The following TTBK2 variants were observed in gnomAD, a reference collection of about 807,000 sequenced individuals.
TTBK2 encodes the protein tau-tubulin kinase 2.
In TTBK2, 28 loss-of-function variants were observed where a neutral mutation model predicts 110.8. That is an observed-to-expected ratio of 0.25 (90% CI 0.19 to 0.35). The LOEUF (loss-of-function observed/expected upper bound fraction) is 0.35. TTBK2 is among the 10% of genes least tolerant of loss of function. The pLI is 1.00. For missense variants in TTBK2, 1,369 were observed against 1,500.3 expected (o/e 0.91, Z 1.45); for synonymous variants, 532 against 527.3 (o/e 1.01, Z -0.12).
chr15:42,761,394 A>C (rs1363321649), intron 13 of TTBK2, among the ~76,000 whole-genome samples: 1 of 152,206 alleles, frequency 6.6e-6, no homozygotes, highest in African/African-American at 2.4e-5. Flanking sequence ...GATAACCTAC[A>C]AAATGGGAGA....
intron 4 of TTBK2, 85 bp downstream of exon 4, chr15:42,840,275 T>C: frequency 1.7e-6 from 2 of 1,147,916 alleles, no homozygotes; most frequent in South Asian, 2.5e-5. Flanking sequence ...ACTAAGATTG[T>C]TGTTACTTTT....
At chr15:42,850,909 G>T (rs1417711245) in intron 3 of TTBK2, among the ~76,000 whole-genome samples, 4 of 152,028 alleles carry the variant, frequency 2.6e-5, no homozygotes, top group South Asian at 4.2e-4. Context: ...CAGTTTGCAG[G>T]TGAGAGGCTG....
intron 4 of TTBK2, among the ~76,000 whole-genome samples, chr15:42,833,247 TAAAAAAA>T (rs35997543): frequency 1.3e-5 from 1 of 74,872 alleles, no homozygotes; most frequent in Non-Finnish European, 2.7e-5. Context: ...CCAAATTTTG[TAAAAAAA>T]AAAAAAAAAA....
At chr15:42,834,013 A>AAAAACAAAAC (rs577793202) in intron 4 of TTBK2, among the ~76,000 whole-genome samples, 1 of 151,766 alleles carries the variant, frequency 6.6e-6, no homozygotes, top group African/African-American at 2.4e-5. Flanking sequence ...TCTGTCTCAA[A>AAAAACAAAAC]AAAACAAAAC....
chr15:42,826,942 C>T (rs1454561938), intron 6 of TTBK2, among the ~76,000 whole-genome samples: 3 of 152,064 alleles, frequency 2.0e-5, no homozygotes, highest in Admixed American at 2.0e-4. Context: ...AGCTGAAGGA[C>T]CTGACGTCAG....
intron 10 of TTBK2, among the ~76,000 whole-genome samples, chr15:42,791,172 C>T (rs568738348): frequency 7.8e-4 from 118 of 152,246 alleles, no homozygotes; most frequent in African/African-American, 1.7e-3. Flanking sequence ...GCGTGAGCCA[C>T]GGTGCCTGGC....
At chr15:42,848,858 A>G (rs1893578391) in intron 3 of TTBK2, among the ~76,000 whole-genome samples, 1 of 152,126 alleles carries the variant, frequency 6.6e-6, no homozygotes, top group Admixed American at 6.5e-5. Context: ...AACTTTTTAA[A>G]ATTCAGTTCT....
chr15:42,878,395 T>A (rs1299982566), intron 2 of TTBK2, among the ~76,000 whole-genome samples, 154 bp downstream of exon 2: 2 of 152,032 alleles, frequency 1.3e-5, no homozygotes, highest in Non-Finnish European at 2.9e-5. Context: ...GAAAAATAAC[T>A]GTAAATAACT....
intron 9 of TTBK2, chr15:42,801,472 G>A: frequency 1.3e-6 from 1 of 794,872 alleles, no homozygotes; most frequent in East Asian, 2.5e-5. Context: ...GGAGCCAGCT[G>A]ATGTTCCGGT....
intron 9 of TTBK2, among the ~76,000 whole-genome samples, chr15:42,805,444 G>A (rs769450434): frequency 8.2e-4 from 125 of 152,304 alleles, no homozygotes; most frequent in Non-Finnish European, 1.6e-3. Context: ...AATTTCACAA[G>A]ACAAGCAGTG....
intron 1 of TTBK2, among the ~76,000 whole-genome samples, chr15:42,896,797 A>G (rs1219767929): frequency 1.3e-5 from 2 of 152,174 alleles, no homozygotes; most frequent in East Asian, 1.9e-4. Flanking sequence ...CCTGTCTCCA[A>G]AAAAATAAAA....
chr15:42,813,378 C>T (rs939678341), intron 7 of TTBK2, among the ~76,000 whole-genome samples: 3 of 151,676 alleles, frequency 2.0e-5, no homozygotes, highest in African/African-American at 7.3e-5. Flanking sequence ...AAAAATTAGC[C>T]AAGTGTGGTG....
chr15:42,770,034 T>C (rs1251694568), intron 13 of TTBK2, among the ~76,000 whole-genome samples: 2 of 145,274 alleles, frequency 1.4e-5, no homozygotes, highest in Non-Finnish European at 3.0e-5. Context: ...CTCTCACTCA[T>C]AGGTGGGAAT....
In TTBK2 at chr15:42,805,757, T is replaced by C. The variant is rs148545490; in HGVS notation, c.822+4857A>G. On this transcript the variant is annotated intron_variant, in intron 9 of 14. Transcript: ENST00000267890. ...GTTCTGACTACTGGGCATACACCAG[T>C]GTTGTAGATCACTTCCAGGCCTGCT... 3.7e-3 allele frequency among the ~76,000 whole-genome samples: 562 copies of C among 152,300 alleles called. 2 individuals carry two copies. The highest frequency in any genetic ancestry group is 0.013 in the African/African-American group (537 of 41,556).
chr15:42,796,181 A>G (rs1194713366), intron 9 of TTBK2, among the ~76,000 whole-genome samples: 1 of 152,146 alleles, frequency 6.6e-6, no homozygotes, highest in Non-Finnish European at 1.5e-5. Flanking sequence ...AGGTGGGCGG[A>G]TCACTTGAGA....
At chr15:42,791,875 C>T (rs1890700770) in intron 10 of TTBK2, among the ~76,000 whole-genome samples, 1 of 152,150 alleles carries the variant, frequency 6.6e-6, no homozygotes. Flanking sequence ...GGCGTGGTGG[C>T]TCGTGCCTGT....
intron 1 of TTBK2, among the ~76,000 whole-genome samples, chr15:42,888,738 T>C (rs1596026272): frequency 6.6e-6 from 1 of 152,190 alleles, no homozygotes; most frequent in Admixed American, 6.5e-5. Flanking sequence ...ATAGAAACTC[T>C]TCTCAAGGCC....
chr15:42,919,929 G>T, intron 1 of TTBK2: 1 of 514,296 alleles, frequency 1.9e-6, no homozygotes, highest in Non-Finnish European at 2.5e-6. Context: ...CAAATGACGA[G>T]CAAATCCCTC....
At chr15:42,759,582 G>A (rs2061994352) in intron 13 of TTBK2, among the ~76,000 whole-genome samples, 1 of 152,206 alleles carries the variant, frequency 6.6e-6, no homozygotes, top group Non-Finnish European at 1.5e-5. Flanking sequence ...AGCCTGGTGA[G>A]ACCATACCCA....
Sources: allele counts gnomAD v4.1 joint callset (sites outside exome capture counted in the v4.1 genomes callset), GRCh38; gene constraint gnomAD v4.1.1; transcripts MANE v1.5; gene names NCBI Gene and HGNC (gene_info 2026-07-23, HGNC 2026-07-21).